Variants in TMC1 observed in about 807,000 individuals in gnomAD.
TMC1 encodes transmembrane channel like 1.
In TMC1, 84 loss-of-function variants were observed where a neutral mutation model predicts 105.8. The observed-to-expected ratio is 0.79, with a 90% CI of 0.67 to 0.95. The LOEUF is 0.95. Ranked by LOEUF, TMC1 falls within the 40% of genes least tolerant of loss-of-function variation. The pLI, the probability that TMC1 is intolerant of heterozygous loss-of-function variation, is 0.00. For missense variants in TMC1, 817 were observed against 914.1 expected, an observed-to-expected ratio of 0.89 and a Z score of 1.37; for synonymous variants, 315 against 311.5, an observed-to-expected ratio of 1.01 and a Z score of -0.12.
At chr9:72,704,479 C>T (rs554335765) in intron 8 of TMC1, among the ~76,000 whole-genome samples, 15 of 152,178 alleles carry the variant, frequency 9.9e-5, no homozygotes, top group African/African-American at 3.6e-4. Context: ...ATTAGGAACC[C>T]GAGCACACTC....
chr9:72,620,121 C>G (rs1006269569), intron 3 of TMC1, among the ~76,000 whole-genome samples: 69 of 152,264 alleles, frequency 4.5e-4, no homozygotes, highest in African/African-American at 1.6e-3. Flanking sequence ...GCGGGAGCCA[C>G]TGTGCCTGGC....
chr9:72,691,382 T>TTTTG (rs1267069936), intron 6 of TMC1, among the ~76,000 whole-genome samples: 2 of 152,124 alleles, frequency 1.3e-5, no homozygotes, highest in African/African-American at 2.4e-5. Context: ...TTTTTCTTGA[T>TTTTG]TTTGTTTGTT....
In TMC1 at chr9:72,700,739, T is replaced by C. The variant is rs1159013268; in HGVS notation, c.362+96T>C. 1.2e-4 allele frequency: 19 copies of C among 161,682 alleles called. 2 individuals carry two copies. The highest frequency in any genetic ancestry group is 3.0e-4 in the African/African-American group (5 of 16,444). 10.0% of individuals were successfully genotyped at this position (161,682 alleles called of 1,614,324 possible). ...ATATATATATATATATATATATATA[T>C]ATATACACACACACACACACATACA... On this transcript the variant is annotated intron_variant, in intron 8 of 23. Transcript: ENST00000297784.
intron 13 of TMC1, among the ~76,000 whole-genome samples, chr9:72,782,997 A>T (rs752619032): frequency 2.5e-4 from 38 of 152,114 alleles, no homozygotes; most frequent in Admixed American, 7.2e-4. Flanking sequence ...GCTAAAAATT[A>T]AAAAAAATTT....
At chr9:72,672,864 G>A (rs922512467) in intron 5 of TMC1, among the ~76,000 whole-genome samples, 7 of 130,274 alleles carry the variant, frequency 5.4e-5, no homozygotes, top group South Asian at 2.5e-4. Context: ...ACACACACAC[G>A]TGTATATATA....
chr9:72,747,587 G>GTTGT (rs548276189), intron 10 of TMC1, among the ~76,000 whole-genome samples: 72 of 152,054 alleles, frequency 4.7e-4, no homozygotes, highest in Non-Finnish European at 9.0e-4. Context: ...GGTTGTTGTT[G>GTTGT]TTGTTTGTTT....
At chr9:72,581,933 A>T (rs1824481479) in intron 2 of TMC1, among the ~76,000 whole-genome samples, 1 of 152,180 alleles carries the variant, frequency 6.6e-6, no homozygotes, top group African/African-American at 2.4e-5. Context: ...TTTCATGTTG[A>T]ATAACTTTAC....
At chr9:72,670,760 T>A (rs1300687598) in intron 5 of TMC1, among the ~76,000 whole-genome samples, 1 of 152,138 alleles carries the variant, frequency 6.6e-6, no homozygotes, top group Non-Finnish European at 1.5e-5. Context: ...AGATGAAGCA[T>A]AAGCGAGATG....
At chr9:72,612,725 A>G (rs1825053522) in intron 2 of TMC1, among the ~76,000 whole-genome samples, 1 of 152,186 alleles carries the variant, frequency 6.6e-6, no homozygotes, top group South Asian at 2.1e-4. Context: ...CATCTACTCT[A>G]TGAGAGTGGT....
At chr9:72,689,472 G>T (rs1826429563) in intron 6 of TMC1, among the ~76,000 whole-genome samples, 1 of 152,014 alleles carries the variant, frequency 6.6e-6, no homozygotes, top group South Asian at 2.1e-4. Flanking sequence ...CTATAATGTT[G>T]TTCATGACTG....
In TMC1 at chr9:72,772,474, G is replaced by A; in HGVS notation, c.803G>A (p.Trp268Ter). ...GYYDNKRTIG[W>*]MNFRLPLSYF... ...TATGACAATAAACGAACAATTGGAT[G>A]GATGAATTTCAGGTTGCCGCTCTCC... is the stretch of plus-strand genomic sequence containing the variant. The change falls in exon 13 of 24, where the codon TGG (tryptophan) becomes TAG (stop). Residue 268 changes from tryptophan (W) to a stop codon, truncating the protein, a stop_gained. Coordinates refer to ENST00000297784, the MANE Select transcript of TMC1 (RefSeq NM_138691.3). LOFTEE classifies it high-confidence loss of function. The A allele has an allele frequency of 6.2e-7, 1 of 1,613,956 alleles. No homozygotes were observed. The highest frequency in any genetic ancestry group is 8.5e-7 in the Non-Finnish European group (1 of 1,179,862).
chr9:72,695,225 T>C (rs1444829), intron 7 of TMC1, among the ~76,000 whole-genome samples: 85,948 of 151,992 alleles, frequency 0.57, 25,655 homozygotes, highest in African/African-American at 0.77. Context: ...TGGCCCTTTA[T>C]AGAAAGAAAG....
At chr9:72,639,195 G>A (rs976932291) in intron 4 of TMC1, among the ~76,000 whole-genome samples, 5 of 152,104 alleles carry the variant, frequency 3.3e-5, no homozygotes, top group Non-Finnish European at 4.4e-5. Context: ...CCAAAAGGCC[G>A]AGAAGCGATG....
chr9:72,831,338 A>C (rs1290339241), intron 23 of TMC1, among the ~76,000 whole-genome samples: 1 of 152,126 alleles, frequency 6.6e-6, no homozygotes, highest in Non-Finnish European at 1.5e-5. Context: ...GTAATAAAAC[A>C]CTCAAATTGG....
chr9:72,753,500 T>A (rs1365506620), intron 11 of TMC1, among the ~76,000 whole-genome samples: 2 of 152,124 alleles, frequency 1.3e-5, no homozygotes, highest in African/African-American at 4.8e-5. Context: ...AATTACAGAA[T>A]GTCTGCTATG....
chr9:72,573,950 AC>A (rs1010340035), intron 1 of TMC1, among the ~76,000 whole-genome samples: 50 of 151,950 alleles, frequency 3.3e-4, no homozygotes, highest in African/African-American at 1.1e-3. Context: ...CCTACTTTCC[AC>A]CCTCAAGTAG....
intron 20 of TMC1, among the ~76,000 whole-genome samples, 179 bp from the exon 21 acceptor site, chr9:72,826,690 C>T (rs369871042): frequency 6.6e-6 from 1 of 152,194 alleles, no homozygotes; most frequent in Non-Finnish European, 1.5e-5. Context: ...TTTCTCGTAT[C>T]TTACCCATAT....
chr9:72,666,195 T>G (rs11143368), intron 5 of TMC1, among the ~76,000 whole-genome samples: 35,063 of 151,690 alleles, frequency 0.23, 4,329 homozygotes, highest in East Asian at 0.38. Flanking sequence ...GCGGGAGGAT[T>G]GCTTGAGGGC....
chr9:72,601,070 T>C (rs1194725150), intron 2 of TMC1, among the ~76,000 whole-genome samples: 1 of 152,126 alleles, frequency 6.6e-6, no homozygotes. Flanking sequence ...TGCAGAGGCT[T>C]ATTCCTGTAA....
Sources: gnomAD v4.1 joint callset for allele counts (sites outside exome capture counted in the v4.1 genomes callset) on GRCh38, gnomAD v4.1.1 for gene constraint, MANE v1.5 for transcripts, NCBI Gene and HGNC (gene_info 2026-07-23, HGNC 2026-07-21) for gene names.